The following LINC00305 variants were observed in gnomAD, a reference collection of about 807,000 sequenced individuals.
LINC00305 encodes long intergenic non-protein coding RNA 305.
At chr18:64,147,134 T>G (rs1039671281) in intron 1 of LINC00305, 1 of 152,162 alleles carries the variant, frequency 6.6e-6, no homozygotes, top group South Asian at 2.1e-4. Context: ...CAATGCCACA[T>G]GAAAATTTTG....
intron 3 of LINC00305, among the ~76,000 whole-genome samples, chr18:64,090,669 T>G (rs2051221640): frequency 6.6e-6 from 1 of 152,244 alleles, no homozygotes; most frequent in South Asian, 2.1e-4. Flanking sequence ...AATATGAAGC[T>G]TCTTCCTTTC....
At chr18:64,108,470 C>T (rs1403444387) in intron 1 of LINC00305, among the ~76,000 whole-genome samples, 6 of 152,140 alleles carry the variant, frequency 3.9e-5, no homozygotes, top group Non-Finnish European at 1.5e-5. Context: ...TATGCTAGTT[C>T]AATCTAACCA....
At chr18:64,114,480 TCTATA>T (rs1344420482) in intron 1 of LINC00305, among the ~76,000 whole-genome samples, 1 of 152,192 alleles carries the variant, frequency 6.6e-6, no homozygotes, top group Non-Finnish European at 1.5e-5. Context: ...ACACTCTACG[TCTATA>T]CTGGAACTTT....
At chr18:64,131,347 C>T (rs1214009317) in intron 1 of LINC00305, among the ~76,000 whole-genome samples, 1 of 152,046 alleles carries the variant, frequency 6.6e-6, no homozygotes, top group East Asian at 1.9e-4. Context: ...TTGACTTGTA[C>T]CTAAAAAGTA....
At chr18:64,103,154 C>T (rs1472085447) in intron 1 of LINC00305, among the ~76,000 whole-genome samples, 1 of 152,190 alleles carries the variant, frequency 6.6e-6, no homozygotes, top group East Asian at 1.9e-4. Flanking sequence ...ATATAAAACA[C>T]AAACAGAAAC....
At chr18:64,140,327 C>A (rs112440346) in intron 1 of LINC00305, among the ~76,000 whole-genome samples, 5 of 151,920 alleles carry the variant, frequency 3.3e-5, no homozygotes. Flanking sequence ...TCCTGCCTCA[C>A]CCTCCCAAGT....
chr18:64,099,980 A>T (rs2051261777), intron 1 of LINC00305, among the ~76,000 whole-genome samples: 3 of 152,152 alleles, frequency 2.0e-5, no homozygotes, highest in Admixed American at 2.0e-4. Flanking sequence ...TATAAAGTGA[A>T]AGCTAGTTAC....
chr18:64,086,799 C>A (rs2051205295), intron 3 of LINC00305, among the ~76,000 whole-genome samples: 1 of 152,180 alleles, frequency 6.6e-6, no homozygotes, highest in Non-Finnish European at 1.5e-5. Flanking sequence ...ATGTGTGCAG[C>A]AAACGAGAGG....
intron 3 of LINC00305, among the ~76,000 whole-genome samples, chr18:64,081,215 T>G (rs1469390159): frequency 6.6e-6 from 1 of 152,276 alleles, no homozygotes; most frequent in Admixed American, 6.5e-5. Context: ...TGAAGGTAGA[T>G]GTACTCTGCA....
intron 1 of LINC00305, among the ~76,000 whole-genome samples, chr18:64,115,673 T>C (rs1190470659): frequency 6.6e-6 from 1 of 152,194 alleles, no homozygotes; most frequent in East Asian, 1.9e-4. Context: ...TCAGCTTTTC[T>C]AAACTTTAGA....
At chr18:64,085,329 C>T (rs914339716) in intron 3 of LINC00305, among the ~76,000 whole-genome samples, 1 of 152,200 alleles carries the variant, frequency 6.6e-6, no homozygotes. Flanking sequence ...GACCTATTTT[C>T]CATAGGAAGT....
At chr18:64,085,776 A>T (rs1181271599) in intron 3 of LINC00305, among the ~76,000 whole-genome samples, 1 of 152,170 alleles carries the variant, frequency 6.6e-6, no homozygotes, top group East Asian at 1.9e-4. Flanking sequence ...TGTCATTTTT[A>T]TCTGCCCAGG....
intron 3 of LINC00305, among the ~76,000 whole-genome samples, chr18:64,091,301 C>A (rs1426095519): frequency 6.6e-6 from 1 of 152,194 alleles, no homozygotes; most frequent in Admixed American, 6.5e-5. Context: ...TCCCAAACAT[C>A]ATGTGTTCAC....
At chr18:64,109,692 C>T (rs2051306911) in intron 1 of LINC00305, among the ~76,000 whole-genome samples, 2 of 152,178 alleles carry the variant, frequency 1.3e-5, no homozygotes, top group South Asian at 4.1e-4. Context: ...ATAACTAATG[C>T]TCAGAAATAT....
chr18:64,142,950 TAGAAAC>T (rs1165490612), intron 1 of LINC00305, among the ~76,000 whole-genome samples: 2 of 152,302 alleles, frequency 1.3e-5, no homozygotes, highest in Non-Finnish European at 2.9e-5. Context: ...TTTGAAAAGT[TAGAAAC>T]AGAATAGAAA....
chr18:64,083,824 T>C (rs2849308), intron 3 of LINC00305, among the ~76,000 whole-genome samples: 22,509 of 152,254 alleles, frequency 0.15, 1,717 homozygotes, highest in Non-Finnish European at 0.16. Context: ...ATAAACCTGC[T>C]TGATGGTAAC....
chr18:64,130,029 G>C (rs1319962461), intron 1 of LINC00305, among the ~76,000 whole-genome samples: 1 of 150,404 alleles, frequency 6.6e-6, no homozygotes, highest in Non-Finnish European at 1.5e-5. Flanking sequence ...TGTGCACAAC[G>C]TGCAGGTTTG....
At chr18:64,086,037 T>C (rs1488704215) in intron 3 of LINC00305, among the ~76,000 whole-genome samples, 1 of 152,248 alleles carries the variant, frequency 6.6e-6, no homozygotes, top group Non-Finnish European at 1.5e-5. Flanking sequence ...ATATGCTTTT[T>C]GTTGATTGGT....
At chr18:64,131,662 A>G (rs902731281) in intron 1 of LINC00305, among the ~76,000 whole-genome samples, 1 of 152,222 alleles carries the variant, frequency 6.6e-6, no homozygotes, top group African/African-American at 2.4e-5. Context: ...TCAGTGGAAT[A>G]AGGGATAGCC....
Sources: gnomAD v4.1 joint callset for allele counts (sites outside exome capture counted in the v4.1 genomes callset) on GRCh38, gnomAD v4.1.1 for gene constraint, MANE v1.5 for transcripts, NCBI Gene and HGNC (gene_info 2026-07-23, HGNC 2026-07-21) for gene names.